NAALADL2: variants seen among roughly 807,000 people sequenced by gnomAD.
NAALADL2 encodes inactive N-acetylated-alpha-linked acidic dipeptidase-like protein 2.
Under a neutral mutation model 87.2 loss-of-function variants are expected in NAALADL2, and 76 were observed. The ratio of observed to expected loss-of-function variants is 0.87; its 90% CI spans 0.72 to 1.05. NAALADL2 has a LOEUF of 1.05. Among genes scored for constraint, NAALADL2 ranks in the 50% least tolerant of loss-of-function variants. The pLI is 0.00. For missense variants in NAALADL2, 1,089 were observed against 945.8 expected (o/e 1.15, Z -1.99); for synonymous variants, 354 against 331.0 (o/e 1.07, Z -0.75).
At chr3:175,760,810 C>T (rs560382565) in intron 13 of NAALADL2, among the ~76,000 whole-genome samples, 6 of 152,294 alleles carry the variant, frequency 3.9e-5, no homozygotes, top group East Asian at 1.9e-4. Flanking sequence ...GGCAGAGCAA[C>T]GAGTCTGCCC....
chr3:174,881,573 C>T (rs1355641675), intron 1 of NAALADL2, among the ~76,000 whole-genome samples: 5 of 152,012 alleles, frequency 3.3e-5, no homozygotes, highest in Non-Finnish European at 5.9e-5. Context: ...ATTTTCAAGA[C>T]TTTATGTTTG....
intron 5 of NAALADL2, among the ~76,000 whole-genome samples, chr3:175,356,576 A>AAATAATAATAATAGTAAT (rs1553872600): frequency 1.3e-3 from 173 of 131,732 alleles, no homozygotes; most frequent in African/African-American, 4.8e-3. Context: ...CCCTGTGTCA[A>AAATAATAATAATAGTAAT]AATAATAATA....
chr3:175,705,190 G>A (rs1739509581), intron 11 of NAALADL2, among the ~76,000 whole-genome samples: 1 of 152,078 alleles, frequency 6.6e-6, no homozygotes, highest in African/African-American at 2.4e-5. Flanking sequence ...CAACCTTCCA[G>A]CTGTAGGGTT....
At chr3:175,628,873 C>G (rs890042615) in intron 11 of NAALADL2, among the ~76,000 whole-genome samples, 3 of 149,988 alleles carry the variant, frequency 2.0e-5, no homozygotes, top group Non-Finnish European at 4.5e-5. Flanking sequence ...TTTTTCCAAA[C>G]CTTTAAAATA....
chr3:174,546,859 T>C (rs753680600), intron 1 of NAALADL2, among the ~76,000 whole-genome samples: 3 of 152,160 alleles, frequency 2.0e-5, no homozygotes, highest in Admixed American at 6.5e-5. Context: ...GGTTTCACTA[T>C]GTTGTCTAGG....
rs114309646 is a variant in NAALADL2 at position 175,502,501 on chromosome 3, T to C, written c.1653+30743T>C. On this transcript the variant is annotated intron_variant, in intron 9 of 13. Coordinates refer to ENST00000454872, the MANE Select transcript of NAALADL2 (RefSeq NM_207015.3). ...TTGAGAATTGAACTGAAACATTGGC[T>C]CTTCTTGCTTGAGCCTGATAGCTTT... is the stretch of plus-strand genomic sequence containing the variant. Among the ~76,000 whole-genome samples, 747 of 152,228 alleles carry C rather than the reference T, an allele frequency of 4.9e-3. 6 individuals carry two copies. Among genetic ancestry groups the C allele is most frequent in the African/African-American group, 0.017 (713 of 41,532 alleles).
At chr3:174,924,238 T>G (rs928030152) in intron 1 of NAALADL2, among the ~76,000 whole-genome samples, 7 of 111,036 alleles carry the variant, frequency 6.3e-5, no homozygotes, top group African/African-American at 2.1e-4. Flanking sequence ...CAGGCCCCGG[T>G]GCGTGATGTC....
intron 1 of NAALADL2, among the ~76,000 whole-genome samples, chr3:174,878,538 A>T (rs1728798428): frequency 6.6e-6 from 1 of 152,056 alleles, no homozygotes; most frequent in African/African-American, 2.4e-5. Context: ...GCTTCCTGGG[A>T]TTACATTTCT....
At chr3:174,728,776 T>G (rs1433458078) in intron 2 of NAALADL2, among the ~76,000 whole-genome samples, 1 of 152,100 alleles carries the variant, frequency 6.6e-6, no homozygotes, top group East Asian at 1.9e-4. Flanking sequence ...TTTATGATCT[T>G]TTTAAGTTAT....
At chr3:175,518,558 A>G (rs1296963646) in intron 9 of NAALADL2, among the ~76,000 whole-genome samples, 3 of 152,202 alleles carry the variant, frequency 2.0e-5, no homozygotes, top group Non-Finnish European at 2.9e-5. Context: ...TGAGAAGTCC[A>G]AGGTCATAGG....
At chr3:175,377,793 G>T (rs1311354309) in intron 5 of NAALADL2, among the ~76,000 whole-genome samples, 2 of 152,198 alleles carry the variant, frequency 1.3e-5, no homozygotes, top group Non-Finnish European at 2.9e-5. Flanking sequence ...GAAAGAAGCA[G>T]CTTGACTTCA....
At chr3:175,496,652 TCAGGTGTCTCTCCCACCTCAAC>T in intron 9 of NAALADL2, among the ~76,000 whole-genome samples, 1 of 152,102 alleles carries the variant, frequency 6.6e-6, no homozygotes, top group Admixed American at 6.6e-5. Context: ...CCTCCTAGGC[TCAGGTGTCTCTCCCACCTCAAC>T]CTTCGAGTAG....
intron 2 of NAALADL2, among the ~76,000 whole-genome samples, chr3:174,581,816 CT>C (rs1365834784): frequency 2.0e-5 from 3 of 152,186 alleles, no homozygotes; most frequent in African/African-American, 7.2e-5. Flanking sequence ...ATGCAAGATT[CT>C]GCAGAGCTTT....
intron 3 of NAALADL2, among the ~76,000 whole-genome samples, chr3:174,829,098 TTGTTG>T (rs940649751): frequency 7.1e-5 from 7 of 99,250 alleles, no homozygotes; most frequent in Middle Eastern, 4.6e-3. Flanking sequence ...CTGTTTTTTT[TTGTTG>T]TTGTTGTTGT....
chr3:174,640,220 C>T, intron 2 of NAALADL2, among the ~76,000 whole-genome samples: 1 of 152,168 alleles, frequency 6.6e-6, no homozygotes, highest in Non-Finnish European at 1.5e-5. Context: ...TAGCTCCTGC[C>T]CTTAACTGCT....
At chr3:174,932,341 C>G (rs900810192) in intron 1 of NAALADL2, among the ~76,000 whole-genome samples, 3 of 152,170 alleles carry the variant, frequency 2.0e-5, no homozygotes, top group Admixed American at 6.6e-5. Context: ...TATATAAAAT[C>G]AAGACATCAA....
chr3:175,570,879 C>CAAAAAAAA (rs553923028), intron 9 of NAALADL2, among the ~76,000 whole-genome samples: 1 of 77,874 alleles, frequency 1.3e-5, no homozygotes, highest in African/African-American at 4.3e-5. Context: ...GACTCCATCT[C>CAAAAAAAA]AAAAAAAAAA....
intron 4 of NAALADL2, among the ~76,000 whole-genome samples, chr3:175,313,770 A>T (rs1037289406): frequency 6.6e-6 from 1 of 152,148 alleles, no homozygotes; most frequent in Non-Finnish European, 1.5e-5. Context: ...GGATAGCAGG[A>T]ATCAGAAAAG....
chr3:175,276,866 A>G (rs1385890447), intron 4 of NAALADL2, among the ~76,000 whole-genome samples: 3 of 151,952 alleles, frequency 2.0e-5, no homozygotes, highest in South Asian at 2.1e-4. Context: ...TTATTCCCCA[A>G]CTCACTTCAC....
Sources: gnomAD v4.1 joint callset for allele counts (sites outside exome capture counted in the v4.1 genomes callset) on GRCh38, gnomAD v4.1.1 for gene constraint, MANE v1.5 for transcripts, NCBI Gene and HGNC (gene_info 2026-07-23, HGNC 2026-07-21) for gene names.